The following TTLL10 variants were observed in gnomAD, a reference collection of about 807,000 sequenced individuals.
TTLL10 encodes the protein tubulin tyrosine ligase like 10.
In TTLL10, 61 loss-of-function variants were observed where a neutral mutation model predicts 69.0. The ratio of observed to expected loss-of-function variants is 0.88; its 90% confidence interval spans 0.72 to 1.09. The LOEUF is 1.09. Among genes scored for constraint, TTLL10 ranks in the 50% least tolerant of loss-of-function variants. TTLL10 has a pLI of 0.00. For missense variants in TTLL10, 962 were observed against 945.9 expected, an observed-to-expected ratio of 1.02 and a Z score of -0.22; for synonymous variants, 408 against 393.3, an observed-to-expected ratio of 1.04 and a Z score of -0.44.
Position 1,181,649 on chromosome 1 carries a change from C to A in TTLL10, c.756-92C>A. 1 of 1,222,562 alleles carries A rather than the reference C, an allele frequency of 8.2e-7. No individual in the cohort carries two copies. The highest frequency in any genetic ancestry group is 1.1e-6 in the Non-Finnish European group (1 of 871,308). 75.7% of individuals were successfully genotyped at this position (1,222,562 alleles called of 1,614,324 possible). ...TCCACCACAACTCACAGTCCGCCCACTCACCACCCATGCCCCATCCCCCAG... is the reference window on the plus strand; with the variant it reads ...TCCACCACAACTCACAGTCCGCCCAATCACCACCCATGCCCCATCCCCCAG... On this transcript the variant is annotated intron_variant, in intron 8 of 15. Coordinates refer to ENST00000379289, the MANE Select transcript of TTLL10 (RefSeq NM_001130045.2). The surrounding 1 kb of genome is among the most constrained non-coding windows in gnomAD (Gnocchi z 4.6).
In TTLL10 at chr1:1,191,923, C is replaced by T. The variant is rs147343344; in HGVS notation, c.1402-4677C>T. Among the ~76,000 whole-genome samples the T allele has an allele frequency of 6.3e-3, 953 of 152,390 alleles. 12 individuals are homozygous for T. The highest frequency in any genetic ancestry group is 0.021 in the African/African-American group (872 of 41,596). ...CCTGCTATTGTTTGTGGCTTAAGAACGCCTTTCAGCGGTTTTCCGCCCTGG... is the reference window on the plus strand; with the variant it reads ...CCTGCTATTGTTTGTGGCTTAAGAATGCCTTTCAGCGGTTTTCCGCCCTGG... On this transcript the variant is annotated intron_variant, in intron 13 of 15. Transcript: ENST00000379289.
At position 1,188,754 on chromosome 1, in the gene TTLL10, G is replaced by A. The variant is rs7415355; in HGVS notation, c.1401+3645G>A. ...CATTGAATCTGTAAGTCACGTAGCA[G>A]TGGCATCTTAACAATATTTAGTCTT... On this transcript the variant is annotated intron_variant, in intron 13 of 15. Coordinates refer to ENST00000379289, the MANE Select transcript of TTLL10 (RefSeq NM_001130045.2). 6.6e-3 allele frequency among the ~76,000 whole-genome samples: 999 copies of A among 152,250 alleles called. 13 individuals are homozygous for A. The highest frequency in any genetic ancestry group is 0.02 in the African/African-American group (851 of 41,536).
In TTLL10 at chr1:1,182,387, C is replaced by G; in HGVS notation, c.857C>G (p.Pro286Arg). Reference protein sequence around the residue: ...QRVLRMEEFFPETYRLDLKHE... With the variant: ...QRVLRMEEFFRETYRLDLKHE... ...GTCCTGAGAATGGAAGAGTTTTTCC[C>G]AGAGACCTACCGCCTGGACCTCAAA... The change falls in exon 10 of 16, where the codon CCA (proline) becomes CGA (arginine). Residue 286 changes from proline to arginine, a missense_variant. Coordinates refer to ENST00000379289, the MANE Select transcript of TTLL10 (RefSeq NM_001130045.2). The G allele has an allele frequency of 1.2e-6, 2 of 1,613,920 alleles. No individual in the cohort carries two copies. Among genetic ancestry groups the G allele is most frequent in the East Asian group, 2.2e-5 (1 of 44,858 alleles).
Position 1,185,166 on chromosome 1 carries a change from G to T in TTLL10, c.1401+57G>T. The T allele has an allele frequency of 6.3e-7, 1 of 1,589,076 alleles. No individual in the cohort carries two copies. The highest frequency in any genetic ancestry group is 8.6e-7 in the Non-Finnish European group (1 of 1,165,792). On this transcript the variant is annotated intron_variant, in intron 13 of 15. Coordinates refer to ENST00000379289, the MANE Select transcript of TTLL10 (RefSeq NM_001130045.2). The surrounding 1 kb of genome is among the most constrained non-coding windows in gnomAD (Gnocchi z 6.1). ...GAGATCCCTCGGGGCGGGGGTGTGT[G>T]GTCAGGCTGGGCACCAGGCACACAG...
rs1647276945 is a variant in TTLL10, at chr1:1,185,825, A to T, written c.1401+716A>T. On this transcript the variant is annotated intron_variant, in intron 13 of 15. Transcript: ENST00000379289. The surrounding 1 kb of genome is among the most constrained non-coding windows in gnomAD (Gnocchi z 6.1). ...CTCACATCTCCCAAACTCTCTCTTA[A>T]TTGCGATAATTCACAGAACATAAAA... is the stretch of plus-strand genomic sequence containing the variant. 6.1e-6 allele frequency: 6 copies of T among 985,290 alleles called. No individual in the cohort carries two copies. The highest frequency in any genetic ancestry group is 1.7e-5 in the African/African-American group (1 of 57,232). The allele number at this position is 985,290 out of a possible 1,614,324, so 61.0% of individuals were successfully genotyped here.
In TTLL10 at chr1:1,197,819, G is replaced by C; in HGVS notation, c.1994G>C (p.Arg665Pro). 6.6e-7 allele frequency: 1 copy of C among 1,509,606 alleles called. No individual in the cohort carries two copies. Among genetic ancestry groups the C allele is most frequent in the South Asian group, 1.2e-5 (1 of 80,748 alleles). The allele number at this position is 1,509,606 out of a possible 1,614,324, so 93.5% of individuals were successfully genotyped here. A position where few individuals can be genotyped will look rare whatever the true frequency, so the allele number is the denominator to read the frequency against. Reference sequence around the variant, plus strand: ...TCCCCGGGGACAGCCAAGGAGGAACGCGAGGAGCCTGAGAACGCGAGGCCC... The same window carrying C: ...TCCCCGGGGACAGCCAAGGAGGAACCCGAGGAGCCTGAGAACGCGAGGCCC... Reference protein sequence around the residue: ...EPSPGTAKEEREEPENARP With the variant: ...EPSPGTAKEEPEEPENARP The change falls in exon 16 of 16, where the codon CGC becomes CCC. Residue 665 changes from arginine (R) to proline (P), a missense_variant. Coordinates refer to ENST00000379289, the MANE Select transcript of TTLL10 (RefSeq NM_001130045.2).
At position 1,185,906 on chromosome 1, in the gene TTLL10, A is replaced by G. The variant is rs536845254; in HGVS notation, c.1401+797A>G. The G allele has an allele frequency of 2.4e-5, 21 of 868,530 alleles. No individual in the cohort carries two copies. The East Asian group carries it at 1.8e-3, about 75-fold the overall frequency. The allele number at this position is 868,530 out of a possible 1,614,324, so 53.8% of individuals were successfully genotyped here. On this transcript the variant is annotated intron_variant, in intron 13 of 15. Coordinates refer to ENST00000379289, the MANE Select transcript of TTLL10 (RefSeq NM_001130045.2). The surrounding 1 kb of genome is among the most constrained non-coding windows in gnomAD (Gnocchi z 6.1). The stretch of plus-strand genomic sequence containing the variant: ...CTTTTAGTATTTCAAAAGTTGTGCA[A>G]TTATCACCACCAATTCCAGAACATT...
rs757104331 is a variant in TTLL10, at chr1:1,183,043, C to T, written c.1084C>T (p.Gln362Ter). The T allele has an allele frequency of 1.1e-5, 18 of 1,600,868 alleles. No homozygotes were observed. The South Asian group carries it at 2.0e-4, about 18-fold the overall frequency. The change falls in exon 11 of 16, where the codon CAG becomes TAG. Residue 362 changes from glutamine (Q) to a stop codon, truncating the protein, a stop_gained. Coordinates refer to ENST00000379289, the MANE Select transcript of TTLL10 (RefSeq NM_001130045.2). LOFTEE classifies it high-confidence loss of function. ...PFRGPQARVV[Q>*]RYIQNPLLVD... ...CCGGGGGCCTCAGGCGCGGGTGGTG[C>T]AGAGGTGCGGCGGCGGGTGCCCGGA...
At chr1:1,189,139 T>C (rs574415334) in intron 13 of TTLL10, among the ~76,000 whole-genome samples, 2 of 152,358 alleles carry the variant, frequency 1.3e-5, no homozygotes, top group South Asian at 4.1e-4. Flanking sequence ...GCATTTTATT[T>C]CTTTTCTTAC....
intron 13 of TTLL10, among the ~76,000 whole-genome samples, chr1:1,188,892 C>T (rs1406119635): frequency 6.6e-6 from 1 of 152,162 alleles, no homozygotes; most frequent in Non-Finnish European, 1.5e-5. Context: ...AAATATTATT[C>T]TAGGTATTTT....
At chr1:1,192,198 A>G (rs1188507756) in intron 13 of TTLL10, among the ~76,000 whole-genome samples, 1 of 152,112 alleles carries the variant, frequency 6.6e-6, no homozygotes, top group African/African-American at 2.4e-5. Context: ...CGGGATATTC[A>G]GTTGTCTACT....
rs186578890 is a variant in TTLL10 at position 1,183,020 on chromosome 1, G to A, written c.1061G>A (p.Arg354Gln). Residue 354 changes from arginine (R) to glutamine (Q), a missense_variant, in exon 11 of 16, where the codon CGG becomes CAG. Arg to Gln is a conservative substitution (Grantham distance 43). Coordinates refer to ENST00000379289, the MANE Select transcript of TTLL10 (RefSeq NM_001130045.2). ...CCCATCCACCACAAGACGCCGTTCC[G>A]GGGGCCTCAGGCGCGGGTGGTGCAG... ...DDPIHHKTPF[R>Q]GPQARVVQRY... The A allele has an allele frequency of 2.3e-5, 37 of 1,608,420 alleles. No individual in the cohort carries two copies. The South Asian group carries it at 2.7e-4, about 12-fold the overall frequency.
At position 1,179,715 on chromosome 1, in the gene TTLL10, T is replaced by C; in HGVS notation, c.177T>C (p.Pro59=). The C allele has an allele frequency of 6.5e-7, 1 of 1,550,070 alleles. No homozygotes were observed. Among genetic ancestry groups the C allele is most frequent in the Non-Finnish European group, 8.7e-7 (1 of 1,146,602 alleles). The stretch of plus-strand genomic sequence containing the variant: ...CGGCCTCACAGCCCGGCCCCTGCCC[T>C]GCACCAGGCCACTGCCCTGTTGGTG... ...PAPASQPGPC[P]APGHCPVGPA... is the part of the protein sequence containing the mutation. The change falls in exon 5 of 16, where the codon CCT becomes CCC. Residue 59 remains proline, a synonymous_variant. Transcript: ENST00000379289.
intron 13 of TTLL10, among the ~76,000 whole-genome samples, chr1:1,192,958 G>A (rs146514645): frequency 2.6e-5 from 4 of 152,230 alleles, no homozygotes; most frequent in Non-Finnish European, 5.9e-5. Context: ...TTTGTAGATG[G>A]TATATCATGT....
At chr1:1,193,965 C>T (rs1184061638) in intron 13 of TTLL10, among the ~76,000 whole-genome samples, 1 of 150,642 alleles carries the variant, frequency 6.6e-6, no homozygotes, top group Non-Finnish European at 1.5e-5. Context: ...TGAAAGCAGC[C>T]TGGGCAACAT....
At chr1:1,196,870 C>T (rs1437710662) in intron 14 of TTLL10, among the ~76,000 whole-genome samples, 154 bp downstream of exon 14, 2 of 152,138 alleles carry the variant, frequency 1.3e-5, no homozygotes, top group African/African-American at 2.4e-5. Flanking sequence ...ATCCATGAGG[C>T]TCACCCCCTG....
Position 1,182,459 on chromosome 1 carries a change from T to C in TTLL10, c.916+13T>C, listed in dbSNP as rs1303569460. The C allele has an allele frequency of 6.2e-7, 1 of 1,613,380 alleles. No individual in the cohort carries two copies. The highest frequency in any genetic ancestry group is 1.1e-5 in the South Asian group (1 of 91,078). On this transcript the variant is annotated intron_variant, in intron 10 of 15. Transcript: ENST00000379289. ...ACCTTGTTTGATGGTGAGACGCTGC[T>C]GGCCGGACACCAGGCTGGCCCTGGG...
chr1:1,196,704 T>C lies in TTLL10; in HGVS notation c.1506T>C (p.Asp502=). ...FDLIGCDFLI[D]DNFKVWLLEM... is the part of the protein sequence containing the mutation. Reference sequence around the variant, plus strand: ...TCATTGGCTGTGACTTCCTGATTGATGACAACTTCAAGGTGCTGTCCTGGG... The same window carrying C: ...TCATTGGCTGTGACTTCCTGATTGACGACAACTTCAAGGTGCTGTCCTGGG... Residue 502 remains aspartate, a synonymous_variant, in exon 14 of 16, where the codon GAT becomes GAC. Transcript: ENST00000379289. 1.3e-6 allele frequency: 2 copies of C among 1,551,376 alleles called. No homozygotes were observed. The highest frequency in any genetic ancestry group is 1.7e-6 in the Non-Finnish European group (2 of 1,146,356).
intron 11 of TTLL10, among the ~76,000 whole-genome samples, chr1:1,183,533 C>A (rs1298619044): frequency 2.0e-5 from 3 of 152,224 alleles, no homozygotes; most frequent in Non-Finnish European, 2.9e-5. Flanking sequence ...CCGTCCCCAG[C>A]TTCCATCGGC....
Sources: allele counts gnomAD v4.1 joint callset (sites outside exome capture counted in the v4.1 genomes callset), GRCh38; gene constraint gnomAD v4.1.1; non-coding constraint Gnocchi (gnomAD v3.1); transcripts MANE v1.5; gene names NCBI Gene and HGNC (gene_info 2026-07-23, HGNC 2026-07-21).